TMCO4: variants seen among roughly 807,000 people sequenced by gnomAD.
TMCO4 encodes the protein transmembrane and coiled-coil domain-containing protein 4.
A neutral mutation model predicts 64.7 loss-of-function variants in TMCO4; 58 were observed. The ratio of observed to expected loss-of-function variants is 0.90; its 90% CI spans 0.73 to 1.12. TMCO4 has a LOEUF of 1.12. Ranked by LOEUF, TMCO4 falls within the 50% of genes most tolerant of loss-of-function variation. TMCO4 has a pLI of 0.00. For synonymous variants in TMCO4, 325 were observed against 346.1 expected (o/e 0.94, Z 0.68); for missense variants, 780 against 825.9 (o/e 0.94, Z 0.68).
chr1:19,695,123 G>C (rs138332720), intron 14 of TMCO4, among the ~76,000 whole-genome samples: 1 of 152,194 alleles, frequency 6.6e-6, no homozygotes, highest in Non-Finnish European at 1.5e-5. Context: ...GGCAGCAGAG[G>C]AGGCGAGGGT....
intron 13 of TMCO4, among the ~76,000 whole-genome samples, chr1:19,716,781 A>T (rs1217374012): frequency 6.6e-6 from 1 of 152,164 alleles, no homozygotes; most frequent in Non-Finnish European, 1.5e-5. Flanking sequence ...GCCCGACCTG[A>T]AAATGGTACT....
At chr1:19,691,433 T>C (rs1430177175) in intron 15 of TMCO4, among the ~76,000 whole-genome samples, 1 of 152,192 alleles carries the variant, frequency 6.6e-6, no homozygotes, top group Non-Finnish European at 1.5e-5. Flanking sequence ...TGACAGACTT[T>C]ATGGACAGCA....
intron 6 of TMCO4, among the ~76,000 whole-genome samples, chr1:19,758,847 T>C (rs546177143): frequency 6.6e-6 from 1 of 152,268 alleles, no homozygotes; most frequent in African/African-American, 2.4e-5. Context: ...GTGCCTGTAA[T>C]TCCAGCACTT....
chr1:19,790,922 T>C (rs2043999215), intron 2 of TMCO4, among the ~76,000 whole-genome samples: 1 of 152,150 alleles, frequency 6.6e-6, no homozygotes, highest in Non-Finnish European at 1.5e-5. Flanking sequence ...TGCCCATTGA[T>C]GATAGATTGG....
Position 19,732,022 on chromosome 1 carries a change from C to T in TMCO4, c.1264+5350G>A, listed in dbSNP as rs1253604009. Among the ~76,000 whole-genome samples, 10 of 152,330 alleles carry T rather than the reference C, an allele frequency of 6.6e-5. 1 individual carries two copies. Among genetic ancestry groups the T allele is most frequent in the Admixed American group, 1.3e-4 (2 of 15,302 alleles). ...GTCCAGCTGGAGCTGCTGTGAAGGC[C>T]GGCATGGACAGCGGGGGTTTTAAAC... is the stretch of plus-strand genomic sequence containing the variant. On this transcript the variant is annotated intron_variant, in intron 13 of 15. Transcript: ENST00000294543. The surrounding 1 kb of genome is among the most constrained non-coding windows in gnomAD (Gnocchi z 4.8).
At chr1:19,748,796 G>C (rs2041901099) in intron 7 of TMCO4, among the ~76,000 whole-genome samples, 1 of 152,148 alleles carries the variant, frequency 6.6e-6, no homozygotes, top group Admixed American at 6.6e-5. Flanking sequence ...CTGCACTCCA[G>C]CTTGGGAACA....
intron 4 of TMCO4, among the ~76,000 whole-genome samples, chr1:19,778,475 T>C (rs1472193529): frequency 6.6e-6 from 1 of 152,132 alleles, no homozygotes; most frequent in East Asian, 1.9e-4. Context: ...GGTTTCACCA[T>C]GTTGACCAGG....
intron 7 of TMCO4, among the ~76,000 whole-genome samples, chr1:19,749,810 T>C (rs1396089397): frequency 1.3e-5 from 2 of 152,202 alleles, no homozygotes; most frequent in Non-Finnish European, 2.9e-5. Flanking sequence ...CTACAGCCAA[T>C]CTGCAATGGA....
chr1:19,767,570 G>C (rs1275866133), intron 6 of TMCO4, among the ~76,000 whole-genome samples: 1 of 152,202 alleles, frequency 6.6e-6, no homozygotes, highest in East Asian at 1.9e-4. Flanking sequence ...GTGGGGTGCA[G>C]AAAGAGGTGG....
At chr1:19,769,683 G>T (rs1266438) in intron 6 of TMCO4, among the ~76,000 whole-genome samples, 88,632 of 151,664 alleles carry the variant, frequency 0.58, 26,781 homozygotes, top group African/African-American at 0.74. Context: ...TATGCAATAA[G>T]AGGGAAGCCC....
At chr1:19,724,996 G>A (rs947773641) in intron 13 of TMCO4, among the ~76,000 whole-genome samples, 3 of 152,080 alleles carry the variant, frequency 2.0e-5, no homozygotes, top group Non-Finnish European at 4.4e-5. Context: ...TCCTGACCTC[G>A]TGATGCACCC....
chr1:19,749,978 T>C (rs1435024858), intron 7 of TMCO4: 1 of 152,220 alleles, frequency 6.6e-6, no homozygotes, highest in African/African-American at 2.4e-5. Context: ...CACATCTGAG[T>C]TTCCTCAACC....
intron 2 of TMCO4, 134 bp downstream of exon 2, chr1:19,798,003 G>GAAAAGAAAAGAA (rs1553155861): frequency 2.7e-4 from 47 of 175,820 alleles, no homozygotes; most frequent in African/African-American, 1.2e-3. Flanking sequence ...GAAAAGAAAA[G>GAAAAGAAAAGAA]AAAAGAAAAG....
chr1:19,798,901 A>G (rs1393395932), intron 1 of TMCO4, among the ~76,000 whole-genome samples: 2 of 152,262 alleles, frequency 1.3e-5, no homozygotes, highest in Non-Finnish European at 2.9e-5. Context: ...AAAGCTTAAA[A>G]GAGTGTCATA....
chr1:19,787,018 A>G lies in TMCO4; in HGVS notation c.-9+8T>C, dbSNP rs936368686. 18 of 152,388 alleles carry G rather than the reference A, an allele frequency of 1.2e-4. No individual in the cohort carries two copies. Among genetic ancestry groups the G allele is most frequent in the East Asian group, 1.9e-4 (1 of 5,216 alleles). 9.4% of individuals were successfully genotyped at this position (152,388 alleles called of 1,614,324 possible). ...GCTACTGAAGGAAAAGAAACCTTCA[A>G]TACTTACCCAGATTTCAAGAAACAG... is the stretch of plus-strand genomic sequence containing the variant. On this transcript the variant is annotated splice_region_variant and intron_variant, in intron 3 of 15. Coordinates refer to ENST00000294543, the MANE Select transcript of TMCO4 (RefSeq NM_181719.7).
chr1:19,708,696 G>A (rs559657887), intron 13 of TMCO4, among the ~76,000 whole-genome samples: 1 of 152,162 alleles, frequency 6.6e-6, no homozygotes, highest in Non-Finnish European at 1.5e-5. Context: ...CCCTCACAGA[G>A]CTTTCTGTTA....
At chr1:19,789,111 C>A (rs2043898296) in intron 2 of TMCO4, among the ~76,000 whole-genome samples, 1 of 151,002 alleles carries the variant, frequency 6.6e-6, no homozygotes, top group Admixed American at 6.6e-5. Context: ...AAAACAACAA[C>A]CATGTTTCAG....
intron 6 of TMCO4, among the ~76,000 whole-genome samples, chr1:19,761,214 G>A (rs1047396855): frequency 2.0e-5 from 3 of 152,174 alleles, no homozygotes; most frequent in South Asian, 2.1e-4. Context: ...GCACCTGACC[G>A]CCACCCATTC....
intron 2 of TMCO4, among the ~76,000 whole-genome samples, chr1:19,796,790 G>A (rs1433966225): frequency 6.6e-6 from 1 of 152,134 alleles, no homozygotes; most frequent in African/African-American, 2.4e-5. Context: ...GGCCAGGATG[G>A]TCTCAATCTC....
Sources: gnomAD v4.1 joint callset for allele counts (sites outside exome capture counted in the v4.1 genomes callset) on GRCh38, gnomAD v4.1.1 for gene constraint, Gnocchi (gnomAD v3.1) non-coding constraint, MANE v1.5 for transcripts, NCBI Gene and HGNC (gene_info 2026-07-23, HGNC 2026-07-21) for gene names.